The following PBX1 variants were observed in gnomAD, a reference collection of about 807,000 sequenced individuals.
PBX1 encodes PBX homeobox 1.
Under a neutral mutation model 53.4 loss-of-function variants are expected in PBX1, and 6 were observed. The observed-to-expected ratio is 0.11, with a 90% CI of 0.06 to 0.22. The LOEUF is 0.22. Among genes scored for constraint, PBX1 ranks in the 10% least tolerant of loss-of-function variants. PBX1 has a pLI of 1.00. For synonymous variants in PBX1, 204 were observed against 212.3 expected (o/e 0.96, Z 0.34); for missense variants, 251 against 551.4 (o/e 0.46, Z 5.46).
At position 164,849,396 on chromosome 1, in the gene PBX1, T is replaced by C. The variant is rs1671721968; in HGVS notation, c.*2720T>C. 2 of 1,535,596 alleles carry C rather than the reference T, an allele frequency of 1.3e-6. No individual in the cohort carries two copies. Among genetic ancestry groups the C allele is most frequent in the African/African-American group, 1.4e-5 (1 of 73,162 alleles). ...ATCACTTCCGACTTCCAACGTGGCA[T>C]CCGTGAGATCTGTCCACATTAGGCG... is the stretch of plus-strand genomic sequence containing the variant. On this transcript the variant is annotated 3_prime_UTR_variant, in exon 9 of 9. Coordinates refer to ENST00000420696, the MANE Select transcript of PBX1 (RefSeq NM_002585.4).
intron 2 of PBX1, among the ~76,000 whole-genome samples, chr1:164,746,565 C>T (rs751984499): frequency 3.3e-5 from 5 of 151,900 alleles, no homozygotes; most frequent in Admixed American, 6.6e-5. Flanking sequence ...TTAGTAGAGA[C>T]GGGGTTTTAC....
intron 2 of PBX1, among the ~76,000 whole-genome samples, chr1:164,601,944 T>C (rs1341232301): frequency 2.0e-5 from 3 of 152,180 alleles, no homozygotes; most frequent in Non-Finnish European, 4.4e-5. Context: ...CACTCAGCCA[T>C]GCACCCTAGG....
At chr1:164,819,975 G>A (rs923451582) in intron 6 of PBX1, 97 bp from the exon 7 acceptor site, 6 of 694,014 alleles carry the variant, frequency 8.6e-6, no homozygotes, top group Non-Finnish European at 1.6e-5. Flanking sequence ...TATTTGGGGG[G>A]GGTTGCTTTG....
chr1:164,872,592 A>T (rs1571549394), intron 2 of PBX1, among the ~76,000 whole-genome samples: 1 of 152,166 alleles, frequency 6.6e-6, no homozygotes, highest in East Asian at 1.9e-4. Context: ...AGCAGAGGAG[A>T]TGAGCATTAT....
intron 2 of PBX1, among the ~76,000 whole-genome samples, chr1:164,779,425 C>T (rs1224023215): frequency 6.6e-6 from 1 of 152,060 alleles, no homozygotes; most frequent in Non-Finnish European, 1.5e-5. Flanking sequence ...ATTGTGCAGC[C>T]CAGTCACACT....
chr1:164,872,321 A>G (rs1274320238), intron 2 of PBX1, among the ~76,000 whole-genome samples: 2 of 152,146 alleles, frequency 1.3e-5, no homozygotes, highest in African/African-American at 4.8e-5. Context: ...ATTGTATAGC[A>G]ACCTCCCTTT....
chr1:164,588,212 A>G (rs562633476), intron 2 of PBX1, among the ~76,000 whole-genome samples: 27 of 152,292 alleles, frequency 1.8e-4, no homozygotes, highest in African/African-American at 6.5e-4. Context: ...AGTGAGTGAG[A>G]TACACCCGCC....
At position 164,670,101 on chromosome 1, in the gene PBX1, T is replaced by G. The variant is rs570162019; in HGVS notation, c.265+106790T>G. On this transcript the variant is annotated intron_variant, in intron 2 of 8. Transcript: ENST00000420696. ...AGCCATAGGCAGAGTCCATGAGGAG[T>G]GGGACTCTGCCCTCAAGTGACCAGA... is the stretch of plus-strand genomic sequence containing the variant. 1.0e-3 allele frequency among the ~76,000 whole-genome samples: 127 copies of G among 121,454 alleles called. 3 individuals are homozygous for G. In the South Asian group the frequency reaches 0.028, roughly 27 times the overall value. The allele number at this position is 121,454 out of a possible 152,430, so 79.7% of individuals were successfully genotyped here. A position where few individuals can be genotyped will look rare whatever the true frequency, so the allele number is the denominator to read the frequency against.
chr1:164,733,427 C>A (rs575103705), intron 2 of PBX1, among the ~76,000 whole-genome samples: 6 of 152,120 alleles, frequency 3.9e-5, no homozygotes, highest in Non-Finnish European at 7.3e-5. Context: ...TCCTGTGTCG[C>A]TTTCACCCTT....
chr1:164,711,652 A>G (rs567067691), intron 2 of PBX1, among the ~76,000 whole-genome samples: 1 of 152,320 alleles, frequency 6.6e-6, no homozygotes, highest in South Asian at 2.1e-4. Flanking sequence ...GAATCTCATG[A>G]AAGAGCATTG....
At chr1:164,701,369 C>T (rs1441603225) in intron 2 of PBX1, among the ~76,000 whole-genome samples, 1 of 152,208 alleles carries the variant, frequency 6.6e-6, no homozygotes, top group Non-Finnish European at 1.5e-5. Flanking sequence ...GGCAGTGCCA[C>T]TCCAGTTTCA....
At chr1:164,635,563 G>GGC (rs1180332872) in intron 2 of PBX1, among the ~76,000 whole-genome samples, 1 of 152,220 alleles carries the variant, frequency 6.6e-6, no homozygotes, top group African/African-American at 2.4e-5. Context: ...TTGGGTCTGA[G>GGC]GCGCGCGCGG....
At chr1:164,842,599 G>C (rs1229175198) in intron 8 of PBX1, among the ~76,000 whole-genome samples, 2 of 152,212 alleles carry the variant, frequency 1.3e-5, no homozygotes, top group Admixed American at 1.3e-4. Context: ...GCTGGCTTAG[G>C]CTTCATCTGG....
Position 164,708,696 on chromosome 1 carries a change from C to T in PBX1, c.266-83798C>T, listed in dbSNP as rs547697369. On this transcript the variant is annotated intron_variant, in intron 2 of 8. Transcript: ENST00000420696. ...TTAAATCACTTAGGATAATGGCCTC[C>T]GGCTGCATCCATCAACATATACAAT... 7.2e-5 allele frequency among the ~76,000 whole-genome samples: 11 copies of T among 152,278 alleles called. No individual in the cohort carries two copies. The South Asian group carries it at 2.1e-3, about 29-fold the overall frequency.
intron 2 of PBX1, among the ~76,000 whole-genome samples, chr1:164,864,228 C>A (rs1339803162): frequency 6.6e-6 from 1 of 152,044 alleles, no homozygotes; most frequent in Non-Finnish European, 1.5e-5. Context: ...CCATTATTAA[C>A]CCCAGGACCT....
At chr1:164,643,572 G>T (rs1002328036) in intron 2 of PBX1, among the ~76,000 whole-genome samples, 1 of 152,186 alleles carries the variant, frequency 6.6e-6, no homozygotes, top group African/African-American at 2.4e-5. Context: ...TACCATGTCA[G>T]TCTGCAGCAC....
At chr1:164,659,478 CAT>C (rs1660359084) in intron 2 of PBX1, among the ~76,000 whole-genome samples, 1 of 152,214 alleles carries the variant, frequency 6.6e-6, no homozygotes, top group South Asian at 2.1e-4. Context: ...TAGCACCAAA[CAT>C]GTGCTGTACA....
At chr1:164,589,044 G>A (rs1655168788) in intron 2 of PBX1, among the ~76,000 whole-genome samples, 1 of 152,098 alleles carries the variant, frequency 6.6e-6, no homozygotes, top group African/African-American at 2.4e-5. Context: ...TTCGAATCCA[G>A]ACTCTGAACA....
intron 2 of PBX1, among the ~76,000 whole-genome samples, chr1:164,601,845 C>A (rs1656199490): frequency 6.6e-6 from 1 of 152,086 alleles, no homozygotes; most frequent in Non-Finnish European, 1.5e-5. Flanking sequence ...CTTGAGAGAG[C>A]ACCTTTAAAA....
Sources: allele counts gnomAD v4.1 joint callset (sites outside exome capture counted in the v4.1 genomes callset), GRCh38; gene constraint gnomAD v4.1.1; transcripts MANE v1.5; gene names NCBI Gene and HGNC (gene_info 2026-07-23, HGNC 2026-07-21).